Variants in NELL1 observed in about 807,000 individuals in gnomAD.
The protein encoded by NELL1 is neural EGFL like 1.
In NELL1, 76 loss-of-function variants were observed where a neutral mutation model predicts 107.4. That is an observed-to-expected ratio of 0.71 (90% CI 0.59 to 0.86). NELL1 has a LOEUF of 0.86. NELL1 is among the 40% of genes least tolerant of loss of function. NELL1 has a pLI of 0.00. For synonymous variants in NELL1, 353 were observed against 341.2 expected (o/e 1.03, Z -0.38); for missense variants, 1,024 against 1,005.5 (o/e 1.02, Z -0.25).
intron 12 of NELL1, among the ~76,000 whole-genome samples, chr11:20,979,281 A>G (rs574756554): frequency 6.6e-6 from 1 of 152,344 alleles, no homozygotes; most frequent in East Asian, 1.9e-4. Flanking sequence ...TTTGGTAACC[A>G]TGCTATCATA....
At chr11:21,035,954 T>C (rs1002342478) in intron 12 of NELL1, among the ~76,000 whole-genome samples, 4 of 152,124 alleles carry the variant, frequency 2.6e-5, no homozygotes, top group Non-Finnish European at 5.9e-5. Flanking sequence ...CTATCCTTGT[T>C]TGCAGACTAC....
At chr11:21,294,163 C>T (rs767232531) in intron 14 of NELL1, among the ~76,000 whole-genome samples, 1 of 152,102 alleles carries the variant, frequency 6.6e-6, no homozygotes, top group Non-Finnish European at 1.5e-5. Flanking sequence ...TAATCAGAGG[C>T]AACTGTTATC....
intron 11 of NELL1, among the ~76,000 whole-genome samples, chr11:20,956,757 C>G (rs1033162072): frequency 6.6e-6 from 1 of 152,050 alleles, no homozygotes; most frequent in Non-Finnish European, 1.5e-5. Flanking sequence ...TAAATTCGAT[C>G]TCCTGACTTC....
chr11:21,471,426 T>A (rs1340274628), intron 15 of NELL1, among the ~76,000 whole-genome samples: 9 of 152,070 alleles, frequency 5.9e-5, no homozygotes, highest in Non-Finnish European at 1.3e-4. Context: ...ACAAGCCATC[T>A]TTTCTAGCTG....
chr11:21,193,357 G>A (rs1425696996), intron 13 of NELL1, among the ~76,000 whole-genome samples: 2 of 151,802 alleles, frequency 1.3e-5, no homozygotes, highest in East Asian at 1.9e-4. Flanking sequence ...TACAGCAAAT[G>A]TGTGGAAACT....
intron 12 of NELL1, among the ~76,000 whole-genome samples, chr11:21,081,686 A>G (rs1255302599): frequency 6.6e-6 from 1 of 152,120 alleles, no homozygotes; most frequent in East Asian, 1.9e-4. Flanking sequence ...ATATAATTTT[A>G]CCCATGTTCA....
intron 15 of NELL1, among the ~76,000 whole-genome samples, chr11:21,478,896 T>C (rs1055427779): frequency 1.3e-5 from 2 of 149,540 alleles, no homozygotes; most frequent in Non-Finnish European, 3.0e-5. Context: ...TGAATAAGTA[T>C]TTCTCAAAAG....
At chr11:20,943,191 G>A (rs1050508395) in intron 10 of NELL1, among the ~76,000 whole-genome samples, 1 of 151,892 alleles carries the variant, frequency 6.6e-6, no homozygotes. Context: ...TCCATTTATT[G>A]TCTTTCTATA....
At chr11:20,884,619 G>A (rs1849471801) in intron 4 of NELL1, among the ~76,000 whole-genome samples, 1 of 152,170 alleles carries the variant, frequency 6.6e-6, no homozygotes, top group Non-Finnish European at 1.5e-5. Flanking sequence ...GACCTTGGTA[G>A]GATGGAATAA....
intron 2 of NELL1, among the ~76,000 whole-genome samples, chr11:20,684,720 T>G (rs1441677682): frequency 6.6e-6 from 1 of 152,122 alleles, no homozygotes; most frequent in Admixed American, 6.6e-5. Flanking sequence ...TTCTAGTAAC[T>G]GGGACACAAT....
chr11:21,280,868 A>G (rs1361436374), intron 14 of NELL1, among the ~76,000 whole-genome samples: 1 of 152,156 alleles, frequency 6.6e-6, no homozygotes. Flanking sequence ...CCTAGGCTCT[A>G]AACAGTCTAG....
chr11:21,235,644 G>C (rs1315866680), intron 14 of NELL1, among the ~76,000 whole-genome samples: 1 of 152,064 alleles, frequency 6.6e-6, no homozygotes, highest in African/African-American at 2.4e-5. Flanking sequence ...TAGATGATTT[G>C]ACCATAAATC....
intron 12 of NELL1, among the ~76,000 whole-genome samples, chr11:20,973,196 C>T (rs911587062): frequency 4.0e-5 from 6 of 151,050 alleles, no homozygotes; most frequent in Admixed American, 1.3e-4. Context: ...GCAACCTCCA[C>T]CTCCTGGGTT....
chr11:21,333,780 C>G (rs1165973730), intron 14 of NELL1, among the ~76,000 whole-genome samples: 2 of 151,992 alleles, frequency 1.3e-5, no homozygotes, highest in African/African-American at 4.8e-5. Context: ...CTGTCCCTGG[C>G]TTATCTATTC....
chr11:20,718,462 ATTT>A (rs1247654136), intron 2 of NELL1, among the ~76,000 whole-genome samples: 2 of 64,632 alleles, frequency 3.1e-5, no homozygotes, highest in Admixed American at 2.5e-4. Flanking sequence ...TTATTTATTC[ATTT>A]TTTTTTTTTT....
At position 21,271,928 on chromosome 11, in the gene NELL1, C is replaced by A. The variant is rs1298390386; in HGVS notation, c.1549+42474C>A. Among the ~76,000 whole-genome samples the A allele has an allele frequency of 3.3e-5, 5 of 152,292 alleles. No homozygotes were observed. The East Asian group carries it at 9.7e-4, about 29-fold the overall frequency. Reference sequence around the variant, plus strand: ...GAAAAAGCATTTGACAGTGTGGAGCCAAGATGGCTGAATAGGAACAGCTCC... The same window carrying A: ...GAAAAAGCATTTGACAGTGTGGAGCAAAGATGGCTGAATAGGAACAGCTCC... On this transcript the variant is annotated intron_variant, in intron 14 of 19. Transcript: ENST00000357134.
At chr11:21,144,041 A>C (rs1246780931) in intron 13 of NELL1, among the ~76,000 whole-genome samples, 1 of 152,198 alleles carries the variant, frequency 6.6e-6, no homozygotes, top group Non-Finnish European at 1.5e-5. Context: ...TCTGATTTGG[A>C]AGGAAAAACA....
intron 3 of NELL1, among the ~76,000 whole-genome samples, chr11:20,836,932 G>A (rs2134044510): frequency 6.6e-6 from 1 of 152,186 alleles, no homozygotes; most frequent in East Asian, 1.9e-4. Context: ...AGCACAGAGA[G>A]TAAACCTCAA....
At chr11:21,542,802 A>G (rs1205923484) in intron 16 of NELL1, among the ~76,000 whole-genome samples, 2 of 152,150 alleles carry the variant, frequency 1.3e-5, no homozygotes, top group Non-Finnish European at 2.9e-5. Context: ...TAGTATATAC[A>G]AAGATCACAT....
Sources: allele counts gnomAD v4.1 joint callset (sites outside exome capture counted in the v4.1 genomes callset), GRCh38; gene constraint gnomAD v4.1.1; transcripts MANE v1.5; gene names NCBI Gene and HGNC (gene_info 2026-07-23, HGNC 2026-07-21).